Variants in PAFAH1B1 observed in about 807,000 individuals in gnomAD.
PAFAH1B1 encodes platelet activating factor acetylhydrolase 1b regulatory subunit 1, also known as platelet-activating factor acetylhydrolase IB subunit beta.
A neutral mutation model predicts 57.5 loss-of-function variants in PAFAH1B1; 2 were observed. That is an observed-to-expected ratio of 0.03 (90% CI 0.01 to 0.11). The LOEUF (loss-of-function observed/expected upper bound fraction) is 0.11, where lower values mean the gene tolerates loss of function less well. Among genes scored for constraint, PAFAH1B1 ranks in the 10% least tolerant of loss-of-function variants. The pLI is 1.00. For synonymous variants in PAFAH1B1, 152 were observed against 169.6 expected, an observed-to-expected ratio of 0.90 and a Z score of 0.81; for missense variants, 257 against 512.0, an observed-to-expected ratio of 0.50 and a Z score of 4.81.
intron 1 of PAFAH1B1, among the ~76,000 whole-genome samples, chr17:2,605,157 A>AGT (rs1171262977): frequency 2.0e-5 from 3 of 152,214 alleles, no homozygotes; most frequent in African/African-American, 7.2e-5. Context: ...GAAGCAAGAC[A>AGT]GTGACATTAA....
intron 2 of PAFAH1B1, among the ~76,000 whole-genome samples, chr17:2,638,961 G>A (rs947404833): frequency 1.3e-5 from 2 of 151,968 alleles, no homozygotes; most frequent in Non-Finnish European, 1.5e-5. Context: ...GTGCAGTGGC[G>A]CAATCTCGGC....
chr17:2,621,530 T>C (rs2068420405), intron 1 of PAFAH1B1, among the ~76,000 whole-genome samples: 1 of 152,042 alleles, frequency 6.6e-6, no homozygotes, highest in Non-Finnish European at 1.5e-5. Context: ...CCTTGCTTCA[T>C]TGCTGCATCT....
chr17:2,628,758 G>A (rs1266470), intron 1 of PAFAH1B1, among the ~76,000 whole-genome samples: 29,590 of 151,946 alleles, frequency 0.19, 5,216 homozygotes, highest in African/African-American at 0.48. Context: ...TACCGTTTCA[G>A]TGTCACTGCT....
chr17:2,624,688 A>C (rs144416736), intron 1 of PAFAH1B1, among the ~76,000 whole-genome samples: 3 of 152,274 alleles, frequency 2.0e-5, no homozygotes, highest in Middle Eastern at 6.8e-3. Context: ...GGGAGATACA[A>C]GTCAAGTTGA....
intron 5 of PAFAH1B1, among the ~76,000 whole-genome samples, chr17:2,667,976 C>T (rs925442099): frequency 6.6e-6 from 1 of 151,862 alleles, no homozygotes; most frequent in Admixed American, 6.6e-5. Flanking sequence ...GTAGATGCCT[C>T]TATCCTAAGG....
chr17:2,659,520 CAAAAAAA>C (rs1162326785), intron 2 of PAFAH1B1: 119 of 42,670 alleles, frequency 2.8e-3, no homozygotes, highest in South Asian at 0.013. Context: ...ACTGCCTCGC[CAAAAAAA>C]AAAAAAAAAA....
rs569920640 is a variant in PAFAH1B1, at chr17:2,671,963, A to G, written c.569-692A>G. Among the ~76,000 whole-genome samples, 9 of 152,018 alleles carry G rather than the reference A, an allele frequency of 5.9e-5. No individual in the cohort carries two copies. In the South Asian group the frequency reaches 1.5e-3, roughly 25 times the overall value. On this transcript the variant is annotated intron_variant, in intron 6 of 10. Coordinates refer to ENST00000397195, the MANE Select transcript of PAFAH1B1 (RefSeq NM_000430.4). The stretch of plus-strand genomic sequence containing the variant: ...TGTATCCATTTGCTTTATCTTTTTT[A>G]TATCTTAGAATATCAACCTAGAAGC...
Position 2,681,466 on chromosome 17 carries a change from GTGATGGAGGGT to G in PAFAH1B1, c.1160-260_1160-250del. On this transcript the variant is annotated intron_variant, in intron 10 of 10. Transcript: ENST00000397195. Reference sequence around the variant, plus strand: ...CATTAAAAATTGTATCTGGCTCAGTGTGATGGAGGGTTGGGACCGGGCAGGGTCTTGCTCTG... The same window carrying G: ...CATTAAAAATTGTATCTGGCTCAGTGTGGGACCGGGCAGGGTCTTGCTCTG... 3 of 392,000 alleles carry G rather than the reference GTGATGGAGGGT, an allele frequency of 7.7e-6. No individual in the cohort carries two copies. The East Asian group carries it at 1.3e-4, about 17-fold the overall frequency. The allele number at this position is 392,000 out of a possible 1,614,324, so 24.3% of individuals were successfully genotyped here.
intron 4 of PAFAH1B1, 73 bp downstream of exon 4, chr17:2,666,163 CATTA>C (rs1403015553): frequency 6.2e-5 from 76 of 1,219,040 alleles, no homozygotes; most frequent in Non-Finnish European, 7.6e-5. Context: ...CATTCTTCTG[CATTA>C]ATTAATAATT....
chr17:2,625,318 T>C (rs2068475636), intron 1 of PAFAH1B1, among the ~76,000 whole-genome samples: 2 of 152,256 alleles, frequency 1.3e-5, no homozygotes, highest in Non-Finnish European at 2.9e-5. Flanking sequence ...TAAAAGAATA[T>C]TGGAATACTG....
At chr17:2,666,770 T>G (rs1201910144) in intron 4 of PAFAH1B1, among the ~76,000 whole-genome samples, 1 of 152,170 alleles carries the variant, frequency 6.6e-6, no homozygotes. Context: ...TTAAGGCAAT[T>G]GTACTGAATT....
At chr17:2,642,327 T>G (rs576707199) in intron 2 of PAFAH1B1, 1 of 152,316 alleles carries the variant, frequency 6.6e-6, no homozygotes, top group Non-Finnish European at 1.5e-5. Flanking sequence ...AGTGGACAGT[T>G]CCACACCTGA....
chr17:2,628,920 G>T (rs545353447), intron 1 of PAFAH1B1, among the ~76,000 whole-genome samples: 1 of 152,082 alleles, frequency 6.6e-6, no homozygotes, highest in Non-Finnish European at 1.5e-5. Context: ...TATTTCTGTG[G>T]TGTCAGTTGT....
At chr17:2,604,985 A>G (rs139282466) in intron 1 of PAFAH1B1, among the ~76,000 whole-genome samples, 48 of 152,300 alleles carry the variant, frequency 3.2e-4, no homozygotes, top group African/African-American at 1.1e-3. Flanking sequence ...TAGAATTTGT[A>G]TATTGTGTAG....
chr17:2,643,625 T>A (rs2068725975), intron 2 of PAFAH1B1, among the ~76,000 whole-genome samples: 1 of 151,542 alleles, frequency 6.6e-6, no homozygotes, highest in Non-Finnish European at 1.5e-5. Context: ...AGTGGGGTGA[T>A]CTCAGCTCCC....
At chr17:2,672,250 C>CTTTA (rs1218651462) in intron 6 of PAFAH1B1, among the ~76,000 whole-genome samples, 1 of 110,766 alleles carries the variant, frequency 9.0e-6, no homozygotes, top group East Asian at 3.2e-4. Flanking sequence ...CACCACTGCA[C>CTTTA]TTTAGCCTGG....
intron 1 of PAFAH1B1, among the ~76,000 whole-genome samples, chr17:2,630,901 T>G (rs527291359): frequency 7.9e-5 from 12 of 152,302 alleles, no homozygotes; most frequent in African/African-American, 2.6e-4. Flanking sequence ...CATAAAAGAT[T>G]GTTAAAAATA....
intron 9 of PAFAH1B1, among the ~76,000 whole-genome samples, chr17:2,679,310 C>T (rs1164291218): frequency 6.6e-6 from 1 of 152,096 alleles, no homozygotes; most frequent in African/African-American, 2.4e-5. Context: ...AACAGAACTG[C>T]TGCGACAGGG....
chr17:2,676,405 A>C, intron 8 of PAFAH1B1, 100 bp from the exon 9 acceptor site: 1 of 812,166 alleles, frequency 1.2e-6, no homozygotes, highest in Admixed American at 2.0e-5. Flanking sequence ...AAAATGCAAC[A>C]AAAAAATTGG....
Sources: gnomAD v4.1 joint callset for allele counts (sites outside exome capture counted in the v4.1 genomes callset) on GRCh38, gnomAD v4.1.1 for gene constraint, MANE v1.5 for transcripts, NCBI Gene and HGNC (gene_info 2026-07-23, HGNC 2026-07-21) for gene names.